The following TRIM5 variants were observed in gnomAD, a reference collection of about 807,000 sequenced individuals.
TRIM5 encodes the protein tripartite motif containing 5.
A neutral mutation model predicts 35.6 loss-of-function variants in TRIM5; 31 were observed. The ratio of observed to expected loss-of-function variants is 0.87; its 90% CI spans 0.65 to 1.18. The LOEUF (loss-of-function observed/expected upper bound fraction) is 1.18, where lower values mean the gene tolerates loss of function less well. Ranked by LOEUF, TRIM5 falls within the 50% of genes most tolerant of loss-of-function variation. The pLI, the probability that TRIM5 is intolerant of heterozygous loss-of-function variation, is 0.00. For synonymous variants in TRIM5, 243 were observed against 215.6 expected (o/e 1.13, Z -1.11); for missense variants, 609 against 591.6 (o/e 1.03, Z -0.31).
chr11:5,628,530 G>A, the TRIM5 span, among the ~76,000 whole-genome samples: 134 of 152,156 alleles, frequency 8.8e-4, no homozygotes, highest in African/African-American at 3.1e-3. Context: ...CCTCCTTAAG[G>A]TCTTTTGATG....
At chr11:5,682,882 G>C (rs1036577113) in intron 1 of TRIM5, among the ~76,000 whole-genome samples, 2 of 152,230 alleles carry the variant, frequency 1.3e-5, no homozygotes, top group African/African-American at 4.8e-5. Context: ...GCTGCACTGT[G>C]GGAGCCCCTT....
chr11:5,593,577 G>A, the TRIM5 span, among the ~76,000 whole-genome samples: 1 of 152,132 alleles, frequency 6.6e-6, no homozygotes, highest in Non-Finnish European at 1.5e-5. Flanking sequence ...TGTGACCCTT[G>A]TCATGGTCCT....
chr11:5,612,688 G>A, the TRIM5 span: 1 of 152,134 alleles, frequency 6.6e-6, no homozygotes, highest in African/African-American at 2.4e-5. Flanking sequence ...AAATTAAGAG[G>A]TACATGTGAG....
chr11:5,631,524 G>C, the TRIM5 span, among the ~76,000 whole-genome samples: 1 of 152,196 alleles, frequency 6.6e-6, no homozygotes, highest in African/African-American at 2.4e-5. Context: ...TTTTTAAATT[G>C]TAACTGGTAA....
chr11:5,677,487 C>T (rs1222151056), intron 4 of TRIM5, among the ~76,000 whole-genome samples: 2 of 152,208 alleles, frequency 1.3e-5, no homozygotes, highest in Non-Finnish European at 2.9e-5. Context: ...GAAATAGGAA[C>T]ACTTTTACAC....
At chr11:5,631,474 CT>C in the TRIM5 span, among the ~76,000 whole-genome samples, 1 of 152,114 alleles carries the variant, frequency 6.6e-6, no homozygotes, top group Non-Finnish European at 1.5e-5. Context: ...ACTCTTATTT[CT>C]CAAGAATTTT....
the TRIM5 span, among the ~76,000 whole-genome samples, chr11:5,597,671 C>T: frequency 2.0e-5 from 3 of 152,118 alleles, no homozygotes; most frequent in African/African-American, 7.3e-5. Context: ...ATTCCTAACT[C>T]TGAACCCCCA....
rs558525805 is a variant in TRIM5 at position 5,667,138 on chromosome 11, G to A, written c.767+551C>T. Among the ~76,000 whole-genome samples the A allele has an allele frequency of 1.1e-4, 16 of 152,096 alleles. 1 individual carries two copies. Among genetic ancestry groups the A allele is most frequent in the African/African-American group, 3.4e-4 (14 of 41,500 alleles). ...TGAAACCACTACTGACCCACACTCC[G>A]AGTCTCCACCACCCAAATTTTCTAC... On this transcript the variant is annotated intron_variant, in intron 5 of 7. Transcript: ENST00000380034.
At chr11:5,596,927 T>C in the TRIM5 span, 1 of 1,613,986 alleles carries the variant, frequency 6.2e-7, no homozygotes, top group African/African-American at 1.3e-5. Flanking sequence ...ATGTCTACCG[T>C]TCTGTTGACT....
chr11:5,665,858 G>A, intron 6 of TRIM5, 123 bp downstream of exon 6: 1 of 1,306,792 alleles, frequency 7.7e-7, no homozygotes, highest in South Asian at 1.6e-5. Context: ...CCCATCAGCA[G>A]CAGACAATAT....
chr11:5,673,285 T>A (rs1851706947), intron 4 of TRIM5, among the ~76,000 whole-genome samples: 1 of 152,112 alleles, frequency 6.6e-6, no homozygotes, highest in Non-Finnish European at 1.5e-5. Flanking sequence ...GATATATTAA[T>A]ATTAGACCAA....
At chr11:5,603,996 T>G in the TRIM5 span, among the ~76,000 whole-genome samples, 1 of 152,010 alleles carries the variant, frequency 6.6e-6, no homozygotes, top group Non-Finnish European at 1.5e-5. Context: ...GGAATTTATT[T>G]ACTCATGTAT....
chr11:5,618,491 T>C, the TRIM5 span, among the ~76,000 whole-genome samples: 1 of 152,172 alleles, frequency 6.6e-6, no homozygotes, highest in South Asian at 2.1e-4. Context: ...AATATTAAAC[T>C]TGGGGTCTAG....
At chr11:5,596,802 C>A in the TRIM5 span, 3 of 1,599,160 alleles carry the variant, frequency 1.9e-6, no homozygotes, top group Non-Finnish European at 1.7e-6. Flanking sequence ...GCGCTCTGTT[C>A]CTTAAGATTA....
At chr11:5,634,885 G>C in the TRIM5 span, 53 of 1,604,706 alleles carry the variant, frequency 3.3e-5, no homozygotes, top group Middle Eastern at 7.8e-4. Flanking sequence ...CTCAATCTGA[G>C]ATTCTGGGAA....
chr11:5,634,548 T>TATATA, the TRIM5 span: 3 of 987,924 alleles, frequency 3.0e-6, no homozygotes, highest in African/African-American at 3.5e-5. Flanking sequence ...TATATATATA[T>TATATA]TTCCCTACTG....
At chr11:5,671,530 A>C (rs1213757338) in intron 4 of TRIM5, among the ~76,000 whole-genome samples, 2 of 152,118 alleles carry the variant, frequency 1.3e-5, no homozygotes, top group African/African-American at 4.8e-5. Context: ...TGAAAATTTT[A>C]AGTAAAATAA....
At chr11:5,671,618 A>T (rs1234825640) in intron 4 of TRIM5, among the ~76,000 whole-genome samples, 1 of 152,100 alleles carries the variant, frequency 6.6e-6, no homozygotes, top group Admixed American at 6.5e-5. Context: ...ATCAATAAAA[A>T]TTTTCTGATT....
At chr11:5,641,354 G>A in the TRIM5 span, 67 of 1,462,852 alleles carry the variant, frequency 4.6e-5, no homozygotes, top group Middle Eastern at 7.3e-4. Flanking sequence ...TGAGTGTTCC[G>A]TAACTATTAA....
Sources: allele counts gnomAD v4.1 joint callset (sites outside exome capture counted in the v4.1 genomes callset), GRCh38; gene constraint gnomAD v4.1.1; transcripts MANE v1.5; gene names NCBI Gene and HGNC (gene_info 2026-07-23, HGNC 2026-07-21).